The following NDUFB2 variants were observed in gnomAD, a reference collection of about 807,000 sequenced individuals.
The protein encoded by NDUFB2 is NADH dehydrogenase [ubiquinone] 1 beta subcomplex subunit 2, mitochondrial.
Under a neutral mutation model 13.4 loss-of-function variants are expected in NDUFB2, and 13 were observed. The observed-to-expected ratio is 0.97, with a 90% CI of 0.63 to 1.54. The LOEUF (loss-of-function observed/expected upper bound fraction) is 1.54, where lower values mean the gene tolerates loss of function less well. NDUFB2 is among the 40% of genes most tolerant of loss of function. The pLI is 0.00. For missense variants in NDUFB2, 150 were observed against 139.7 expected, an observed-to-expected ratio of 1.07 and a Z score of -0.37; for synonymous variants, 47 against 50.6, an observed-to-expected ratio of 0.93 and a Z score of 0.30.
intron 1 of NDUFB2, chr7:140,697,184 G>A (rs561376190): frequency 2.8e-4 from 172 of 612,570 alleles, no homozygotes; most frequent in Non-Finnish European, 3.5e-4. Context: ...TGCGCGGCGG[G>A]TGTGGACGCT....
At chr7:140,703,307 A>G (rs1563215578) in intron 2 of NDUFB2, among the ~76,000 whole-genome samples, 1 of 129,908 alleles carries the variant, frequency 7.7e-6, no homozygotes, top group Non-Finnish European at 1.6e-5. Flanking sequence ...ACACAGTTTC[A>G]CTCTGTCACC....
Position 140,697,256 on chromosome 7 carries a change from G to C in NDUFB2, c.98+414G>C, listed in dbSNP as rs540392921. On this transcript the variant is annotated intron_variant, in intron 1 of 3. Coordinates refer to ENST00000247866, the MANE Select transcript of NDUFB2 (RefSeq NM_004546.3). ...AGGGAGGGCGCGGTCCAGGGTCCCG[G>C]TGCCTGGCTGCGGAATTTAGGGTAG... The C allele has an allele frequency of 3.3e-4, 234 of 698,568 alleles. 5 individuals carry two copies. The highest frequency in any genetic ancestry group is 3.3e-3 in the South Asian group (224 of 66,996). The allele number at this position is 698,568 out of a possible 1,614,324, so 43.3% of individuals were successfully genotyped here.
intron 2 of NDUFB2, among the ~76,000 whole-genome samples, chr7:140,703,343 C>T (rs1223535299): frequency 6.8e-6 from 1 of 147,422 alleles, no homozygotes; most frequent in Middle Eastern, 3.5e-3. Flanking sequence ...GGCACAATCT[C>T]GGCTCGCTGC....
chr7:140,699,314 T>G (rs1794864569), intron 1 of NDUFB2, among the ~76,000 whole-genome samples: 2 of 152,214 alleles, frequency 1.3e-5, no homozygotes, highest in Admixed American at 1.3e-4. Flanking sequence ...TGATAGTGTC[T>G]TACTTCCTTA....
At chr7:140,703,050 G>A (rs1244095471) in intron 2 of NDUFB2, 40 bp downstream of exon 2, 8 of 1,606,080 alleles carry the variant, frequency 5.0e-6, no homozygotes, top group Admixed American at 1.7e-5. Flanking sequence ...TTTTGGGTGG[G>A]GGAGGGAGGA....
At chr7:140,697,690 C>T (rs1160534148) in intron 1 of NDUFB2, among the ~76,000 whole-genome samples, 1 of 152,128 alleles carries the variant, frequency 6.6e-6, no homozygotes, top group East Asian at 1.9e-4. Context: ...GGATTCTGGC[C>T]GCACAGTGGC....
rs757670792 is a variant in NDUFB2, at chr7:140,702,859, C to T, written c.99-7C>T. 3 of 1,613,934 alleles carry T rather than the reference C, an allele frequency of 1.9e-6. No homozygotes were observed. Among genetic ancestry groups the T allele is most frequent in the African/African-American group, 1.3e-5 (1 of 75,022 alleles). ...CACGCTGTCTGCCATGTTGTTTTGTCTTGCAGTGCCGGTGGTGGTGTGCAC... is the reference window on the plus strand; with the variant it reads ...CACGCTGTCTGCCATGTTGTTTTGTTTTGCAGTGCCGGTGGTGGTGTGCAC... On this transcript the variant is annotated splice_polypyrimidine_tract_variant and splice_region_variant and intron_variant, in intron 1 of 3. Coordinates refer to ENST00000247866, the MANE Select transcript of NDUFB2 (RefSeq NM_004546.3).
intron 1 of NDUFB2, chr7:140,702,141 G>GA (rs1184088434): frequency 7.7e-6 from 5 of 652,132 alleles, no homozygotes; most frequent in African/African-American, 1.8e-5. Context: ...TTTTATATAG[G>GA]AATTCTCTTA....
At chr7:140,702,816 A>T (rs1794914264) in intron 1 of NDUFB2, 50 bp from the exon 2 acceptor site, 1 of 1,607,750 alleles carries the variant, frequency 6.2e-7, no homozygotes, top group Admixed American at 1.7e-5. Context: ...TGGATGACTT[A>T]ACGCTTTGAG....
chr7:140,701,890 T>G (rs983356195), intron 1 of NDUFB2: 2 of 519,856 alleles, frequency 3.8e-6, no homozygotes, highest in Admixed American at 6.5e-5. Context: ...GAGCCAAGAT[T>G]GTTCCATTGC....
intron 1 of NDUFB2, among the ~76,000 whole-genome samples, chr7:140,702,303 C>T (rs1738520199): frequency 6.6e-6 from 1 of 152,170 alleles, no homozygotes; most frequent in African/African-American, 2.4e-5. Context: ...CTTATGGACT[C>T]TGTGCCACAA....
chr7:140,698,234 CATGAG>C, intron 1 of NDUFB2: 1 of 1,351,838 alleles, frequency 7.4e-7, no homozygotes. Flanking sequence ...CTTGGTCCTG[CATGAG>C]GAGATGGGGG....
intron 1 of NDUFB2, 88 bp downstream of exon 1, chr7:140,696,930 T>A: frequency 2.4e-6 from 3 of 1,256,902 alleles, no homozygotes; most frequent in Non-Finnish European, 3.4e-6. Flanking sequence ...CTGGGGCGCC[T>A]GAAGAGGCCG....
intron 3 of NDUFB2, chr7:140,706,031 T>TATGTTATGTTA (rs1554492454): frequency 3.2e-4 from 46 of 142,192 alleles, no homozygotes; most frequent in African/African-American, 1.2e-3. Flanking sequence ...TTATTTTAGT[T>TATGTTATGTTA]TGTTATGTTA....
At chr7:140,703,263 C>G (rs1372056517) in intron 2 of NDUFB2, among the ~76,000 whole-genome samples, 1 of 146,790 alleles carries the variant, frequency 6.8e-6, no homozygotes, top group Non-Finnish European at 1.5e-5. Flanking sequence ...CTTAGGGAGA[C>G]TAAAAGCTCA....
chr7:140,696,945 C>A, intron 1 of NDUFB2, 103 bp downstream of exon 1: 1 of 1,063,030 alleles, frequency 9.4e-7, no homozygotes, highest in Non-Finnish European at 1.4e-6. Flanking sequence ...AGGCCGCGTC[C>A]CGAGGCATGC....
chr7:140,704,798 TTTAA>T lies in NDUFB2; in HGVS notation c.244-58_244-55del, dbSNP rs1271669419. The T allele has an allele frequency of 1.8e-5, 20 of 1,111,830 alleles. 2 individuals carry two copies. In the Admixed American group the frequency reaches 2.3e-4, roughly 13 times the overall value. 68.9% of individuals were successfully genotyped at this position (1,111,830 alleles called of 1,614,324 possible). A position where few individuals can be genotyped will look rare whatever the true frequency, so the allele number is the denominator to read the frequency against. On this transcript the variant is annotated intron_variant, in intron 2 of 3. Transcript: ENST00000247866. ...TTTCTTTCCAAGATTTATTTAACAA[TTTAA>T]TTAGTTGCACAGAATGTAAATTCTT...
At chr7:140,702,707 T>TA in intron 1 of NDUFB2, 159 bp from the exon 2 acceptor site, 1 of 860,484 alleles carries the variant, frequency 1.2e-6, no homozygotes, top group South Asian at 2.5e-5. Context: ...GCAAGCTTAG[T>TA]AAAAAGTGAG....
In NDUFB2 at chr7:140,702,886, T is replaced by C. The variant is rs2130801690; in HGVS notation, c.119T>C (p.Ile40Thr). 10 of 1,614,130 alleles carry C rather than the reference T, an allele frequency of 6.2e-6. No individual in the cohort carries two copies. The highest frequency in any genetic ancestry group is 8.5e-6 in the Non-Finnish European group (10 of 1,180,030). Residue 40 changes from isoleucine (I) to threonine (T), a missense_variant, in exon 2 of 4, where the codon ATT becomes ACT. By Grantham distance (89) the Ile-to-Thr change is moderately conservative. Coordinates refer to ENST00000247866, the MANE Select transcript of NDUFB2 (RefSeq NM_004546.3). The part of the protein sequence containing the change: ...GVRHAGGGVH[I>T]EPRYRQFPQL... ...TGCAGTGCCGGTGGTGGTGTGCACA[T>C]TGAGCCCCGGTATAGACAGTTCCCC...
Sources: allele counts gnomAD v4.1 joint callset (sites outside exome capture counted in the v4.1 genomes callset), GRCh38; gene constraint gnomAD v4.1.1; transcripts MANE v1.5; gene names NCBI Gene and HGNC (gene_info 2026-07-23, HGNC 2026-07-21).